The following TENM2 variants were observed in gnomAD, a reference collection of about 807,000 sequenced individuals.
TENM2 encodes the protein teneurin transmembrane protein 2, also known as teneurin-2.
In TENM2, 52 loss-of-function variants were observed where a neutral mutation model predicts 245.2. The ratio of observed to expected loss-of-function variants is 0.21; its 90% CI spans 0.17 to 0.27. The LOEUF is 0.27. Among genes scored for constraint, TENM2 ranks in the 10% least tolerant of loss-of-function variants. The pLI is 1.00. For missense variants in TENM2, 3,046 were observed against 3,666.8 expected, an observed-to-expected ratio of 0.83 and a Z score of 4.37; for synonymous variants, 1,363 against 1,438.9, an observed-to-expected ratio of 0.95 and a Z score of 1.19.
At chr5:167,895,403 C>T (rs1423603885) in intron 3 of TENM2, among the ~76,000 whole-genome samples, 1 of 152,330 alleles carries the variant, frequency 6.6e-6, no homozygotes, top group Admixed American at 6.5e-5. Flanking sequence ...CTTTGGTTCT[C>T]GTCCTTTCAT....
chr5:167,916,958 C>CA (rs1159843032), intron 3 of TENM2, among the ~76,000 whole-genome samples: 3 of 152,118 alleles, frequency 2.0e-5, no homozygotes, highest in Non-Finnish European at 2.9e-5. Flanking sequence ...GTTTCTCACT[C>CA]AGAGCTGCAA....
At chr5:167,479,117 A>G (rs990079336) in intron 2 of TENM2, among the ~76,000 whole-genome samples, 1 of 152,138 alleles carries the variant, frequency 6.6e-6, no homozygotes, top group Non-Finnish European at 1.5e-5. Context: ...TTGTGAAGTT[A>G]TATTAGTTGT....
chr5:167,827,964 G>A (rs1768127640), intron 2 of TENM2, among the ~76,000 whole-genome samples: 2 of 152,032 alleles, frequency 1.3e-5, no homozygotes, highest in South Asian at 2.1e-4. Flanking sequence ...CCACCCAAAT[G>A]CCACACCCAC....
At chr5:167,831,127 C>T (rs1198502556) in intron 2 of TENM2, among the ~76,000 whole-genome samples, 2 of 152,080 alleles carry the variant, frequency 1.3e-5, no homozygotes, top group Non-Finnish European at 2.9e-5. Flanking sequence ...TTCTCCTTCT[C>T]TCTTCCTTCT....
chr5:168,239,023 T>C (rs1765856358), intron 25 of TENM2, among the ~76,000 whole-genome samples: 1 of 152,178 alleles, frequency 6.6e-6, no homozygotes, highest in African/African-American at 2.4e-5. Context: ...CCAGGAAGCC[T>C]CAAGGTTAAT....
intron 5 of TENM2, among the ~76,000 whole-genome samples, chr5:168,022,153 A>G (rs80286099): frequency 5.9e-4 from 90 of 152,350 alleles, no homozygotes; most frequent in East Asian, 4.8e-3. Flanking sequence ...TTCATTCCAA[A>G]TATTCATTAA....
At chr5:167,078,483 CAA>C in the TENM2 span, among the ~76,000 whole-genome samples, 1 of 71,708 alleles carries the variant, frequency 1.4e-5, no homozygotes, top group South Asian at 3.3e-4. Context: ...AACTCTGTCT[CAA>C]ACAACAACAA....
At chr5:168,055,714 T>A (rs1490184294) in intron 6 of TENM2, among the ~76,000 whole-genome samples, 2 of 152,132 alleles carry the variant, frequency 1.3e-5, no homozygotes, top group Non-Finnish European at 2.9e-5. Context: ...TACAGCTGAT[T>A]TTAGGTAGCA....
At chr5:167,686,710 G>T (rs1218234301) in intron 2 of TENM2, among the ~76,000 whole-genome samples, 1 of 152,142 alleles carries the variant, frequency 6.6e-6, no homozygotes, top group Non-Finnish European at 1.5e-5. Flanking sequence ...AAACCAAAAA[G>T]GATGGGTAGA....
At chr5:167,865,078 C>T (rs146175874) in intron 2 of TENM2, among the ~76,000 whole-genome samples, 82 of 152,248 alleles carry the variant, frequency 5.4e-4, no homozygotes, top group African/African-American at 1.5e-3. Flanking sequence ...GATTCTAGGA[C>T]GGCAAGAAAA....
intron 25 of TENM2, among the ~76,000 whole-genome samples, chr5:168,243,418 C>T (rs1289956092): frequency 6.6e-6 from 1 of 152,176 alleles, no homozygotes; most frequent in Admixed American, 6.5e-5. Context: ...TGAGGCCTCC[C>T]CACTGATGTC....
the TENM2 span, among the ~76,000 whole-genome samples, chr5:167,122,065 A>G: frequency 6.6e-6 from 1 of 152,168 alleles, no homozygotes; most frequent in Admixed American, 6.5e-5. Flanking sequence ...AGATTAAATT[A>G]CTTGAGTTCA....
chr5:167,749,504 G>C (rs542120338), intron 2 of TENM2, among the ~76,000 whole-genome samples: 1 of 152,140 alleles, frequency 6.6e-6, no homozygotes, highest in Admixed American at 6.5e-5. Context: ...CGGGTGTGGT[G>C]GTGGGCACCT....
chr5:167,792,299 C>G (rs77641197), intron 2 of TENM2, among the ~76,000 whole-genome samples: 2,249 of 152,094 alleles, frequency 0.015, 57 homozygotes, highest in African/African-American at 0.051. Flanking sequence ...ACAACCTACA[C>G]AGGATCAGCC....
chr5:167,513,324 C>A (rs1770094790), intron 2 of TENM2, among the ~76,000 whole-genome samples: 2 of 151,908 alleles, frequency 1.3e-5, no homozygotes, highest in African/African-American at 2.4e-5. Flanking sequence ...TGTTCAGAGG[C>A]AATAAAATAT....
intron 2 of TENM2, among the ~76,000 whole-genome samples, chr5:167,565,906 A>G (rs1773877344): frequency 1.3e-5 from 2 of 152,220 alleles, no homozygotes; most frequent in Non-Finnish European, 2.9e-5. Flanking sequence ...TTTCTTTGAC[A>G]TCTGCACAGA....
intron 2 of TENM2, among the ~76,000 whole-genome samples, chr5:167,584,699 T>C (rs1478530393): frequency 3.0e-5 from 1 of 33,442 alleles, no homozygotes; most frequent in Non-Finnish European, 1.4e-4. Context: ...TTTACTTTTC[T>C]TTTTTTTTTT....
intron 2 of TENM2, among the ~76,000 whole-genome samples, chr5:167,443,707 A>C (rs932342892): frequency 1.3e-5 from 2 of 152,214 alleles, no homozygotes; most frequent in African/African-American, 4.8e-5. Context: ...TACTTCTGAA[A>C]TATGTTTTGC....
chr5:167,142,697 C>T, the TENM2 span, among the ~76,000 whole-genome samples: 3 of 151,968 alleles, frequency 2.0e-5, no homozygotes, highest in South Asian at 2.1e-4. Context: ...ATTACAGGCA[C>T]GCACCACTAT....
Sources: gnomAD v4.1 joint callset for allele counts (sites outside exome capture counted in the v4.1 genomes callset) on GRCh38, gnomAD v4.1.1 for gene constraint, MANE v1.5 for transcripts, NCBI Gene and HGNC (gene_info 2026-07-23, HGNC 2026-07-21) for gene names.